CCDC22: variants seen among roughly 807,000 people sequenced by gnomAD.
CCDC22 encodes the protein coiled-coil domain-containing protein 22.
A neutral mutation model predicts 53.1 loss-of-function variants in CCDC22; 4 were observed. That is an observed-to-expected ratio of 0.08 (90% CI 0.04 to 0.17). The LOEUF (loss-of-function observed/expected upper bound fraction) is 0.17. Among genes scored for constraint, CCDC22 ranks in the 10% least tolerant of loss-of-function variants. The probability of loss-of-function intolerance (pLI) is 1.00; values close to 1 mark genes in which losing one functional copy is unlikely to be tolerated. For missense variants in CCDC22, 458 were observed against 554.0 expected (o/e 0.83, Z 1.74); for synonymous variants, 222 against 224.4 (o/e 0.99, Z 0.10).
At position 49,239,482 on chromosome X, in the gene CCDC22, C is replaced by T. The variant is rs186996806; in HGVS notation, c.228+2219C>T. ...ACATAGTGAATGGAAACACTTTGAA[C>T]TGACCCAGGAAGTATATGGTGGTGG... On this transcript the variant is annotated intron_variant, in intron 2 of 16. Coordinates refer to ENST00000376227, the MANE Select transcript of CCDC22 (RefSeq NM_014008.5). 1.6e-4 allele frequency: 115 copies of T among 735,615 alleles called. No individual in the cohort carries two copies. The African/African-American group carries it at 2.6e-3, about 16-fold the overall frequency. 60.6% of individuals were successfully genotyped at this position (735,615 alleles called of 1,213,427 possible).
rs781919963 is a variant in CCDC22 at position 49,247,015 on chromosome X, C to T, written c.909+90C>T. Reference sequence around the variant, plus strand: ...TGTCAGCACCACACCTTTATCCACACAGGTTCCTGTGTTCCCACTGGACAG... The same window carrying T: ...TGTCAGCACCACACCTTTATCCACATAGGTTCCTGTGTTCCCACTGGACAG... On this transcript the variant is annotated intron_variant, in intron 7 of 16. Coordinates refer to ENST00000376227, the MANE Select transcript of CCDC22 (RefSeq NM_014008.5). The T allele has an allele frequency of 1.2e-5, 10 of 808,118 alleles. No individual in the cohort carries two copies. In the East Asian group the frequency reaches 3.1e-4, roughly 25 times the overall value. The allele number at this position is 808,118 out of a possible 1,213,427, so 66.6% of individuals were successfully genotyped here. A position where few individuals can be genotyped will look rare whatever the true frequency, so the allele number is the denominator to read the frequency against.
chrX:49,246,857 G>A lies in CCDC22; in HGVS notation c.841G>A (p.Ala281Thr). ...GGGAGAACTGCTGCAGGCCTGGGGT[G>A]CTGGGGCCAAGACTGGTGCTCCTAA... is the stretch of plus-strand genomic sequence containing the variant. ...DLGELLQAWG[A>T]GAKTGAPKGS... The change falls in exon 7 of 17, where the codon GCT becomes ACT. Residue 281 changes from alanine (A) to threonine (T), a missense_variant. This residue lies in a region of CCDC22 where 309 missense variants were observed against 312.3 expected (regional missense o/e 0.99). Coordinates refer to ENST00000376227, the MANE Select transcript of CCDC22 (RefSeq NM_014008.5). 1.7e-6 allele frequency: 2 copies of A among 1,202,465 alleles called. No homozygotes were observed. The highest frequency in any genetic ancestry group is 1.8e-5 in the South Asian group (1 of 55,316).
chrX:49,244,999 C>G, intron 6 of CCDC22, among the ~76,000 whole-genome samples: 1 of 110,587 alleles, frequency 9.0e-6, no homozygotes, highest in Non-Finnish European at 1.9e-5. Context: ...CTGTCCACCT[C>G]TCTGTCACCC....
chrX:49,241,940 G>A (rs1224876046), intron 2 of CCDC22, 76 bp from the exon 3 acceptor site: 7 of 1,134,230 alleles, frequency 6.2e-6, no homozygotes, highest in African/African-American at 3.6e-5. Context: ...AAGTGGGAGC[G>A]TTTTCAGCCT....
intron 2 of CCDC22, among the ~76,000 whole-genome samples, chrX:49,239,075 T>C (rs781821025): frequency 9.0e-6 from 1 of 110,859 alleles, no homozygotes; most frequent in African/African-American, 3.3e-5. Flanking sequence ...GCCTCCTGGG[T>C]TCCAGCAATT....
At chrX:49,249,319 A>C in intron 14 of CCDC22, 57 bp downstream of exon 14, 1 of 1,006,771 alleles carries the variant, frequency 9.9e-7, no homozygotes. Flanking sequence ...TGCCTTGTGC[A>C]TCTGCTAATT....
chrX:49,247,844 CAA>C (rs782341353), intron 9 of CCDC22, 76 bp downstream of exon 9: 1 of 1,122,548 alleles, frequency 8.9e-7, no homozygotes, highest in African/African-American at 1.8e-5. Context: ...CTAGATGGGG[CAA>C]GAGGTGCTCT....
At chrX:49,244,154 A>T (rs1057348727) in intron 6 of CCDC22, among the ~76,000 whole-genome samples, 5 of 111,527 alleles carry the variant, frequency 4.5e-5, no homozygotes, top group Non-Finnish European at 1.9e-5. Context: ...GTTTTTGCAC[A>T]ATTTCTGCCT....
rs782786357 is a variant in CCDC22, at chrX:49,242,881, C to G, written c.362-5C>G. 5 of 1,106,523 alleles carry G rather than the reference C, an allele frequency of 4.5e-6. No homozygotes were observed. Among genetic ancestry groups the G allele is most frequent in the Non-Finnish European group, 1.2e-6 (1 of 833,038 alleles). The allele number at this position is 1,106,523 out of a possible 1,213,427, so 91.2% of individuals were successfully genotyped here. A position where few individuals can be genotyped will look rare whatever the true frequency, so the allele number is the denominator to read the frequency against. On this transcript the variant is annotated splice_polypyrimidine_tract_variant and splice_region_variant and intron_variant, in intron 3 of 16. Coordinates refer to ENST00000376227, the MANE Select transcript of CCDC22 (RefSeq NM_014008.5). ...TCTGATTCACTTCCTCCCTATCCCC[C>G]ATAGGTGACTCAGCTATTCTCCTCC...
Position 49,246,779 on chromosome X carries a change from C to A in CCDC22, c.763C>A (p.His255Asn). The A allele has an allele frequency of 8.4e-7, 1 of 1,185,294 alleles. No individual in the cohort carries two copies. The change falls in exon 7 of 17, where the codon CAT becomes AAT. Residue 255 changes from histidine to asparagine, a missense_variant. By Grantham distance (68) the His-to-Asn change is moderately conservative. This residue lies in a region of CCDC22 where 309 missense variants were observed against 312.3 expected (regional missense o/e 0.99). Transcript: ENST00000376227. ...GCGGCTGCAAAAGCAACTGACTGAG[C>A]ATCTGCGCCAAAGCTGGGGCCTGCT... ...RQRLQKQLTE[H>N]LRQSWGLLGA...
chrX:49,249,524 G>A lies in CCDC22; in HGVS notation c.1651G>A (p.Asp551Asn), dbSNP rs189346095. The change falls in exon 15 of 17, where the codon GAT becomes AAT. Residue 551 changes from aspartate to asparagine, a missense_variant. Around this residue, in one of 4 missense-constraint regions of CCDC22, gnomAD observed 48 missense variants for 83.4 expected, o/e 0.58. Coordinates refer to ENST00000376227, the MANE Select transcript of CCDC22 (RefSeq NM_014008.5). ...ELVFKDAKKD[D>N]AVRKAYKYLA... ...GTCTGGTCAGGATGCCAAGAAGGAC[G>A]ATGCTGTTCGGAAGGCCTATAAGTA... The A allele has an allele frequency of 1.4e-4, 170 of 1,196,105 alleles. No homozygotes were observed. The East Asian group carries it at 4.9e-3, about 35-fold the overall frequency.
chrX:49,239,202 A>G (rs782407574), intron 2 of CCDC22, among the ~76,000 whole-genome samples: 2 of 111,150 alleles, frequency 1.8e-5, no homozygotes, highest in Non-Finnish European at 3.8e-5. Context: ...GCTGGTCTCG[A>G]ACTCCTGACC....
At position 49,248,628 on chromosome X, in the gene CCDC22, G is replaced by T. The variant is rs1557114780; in HGVS notation, c.1330-5G>T. ...CACTGTCTTCTGCCTGTGGGCTCATGGCAGCTGGAATCTTCTCGACGGCTG... is the reference window on the plus strand; with the variant it reads ...CACTGTCTTCTGCCTGTGGGCTCATTGCAGCTGGAATCTTCTCGACGGCTG... On this transcript the variant is annotated splice_region_variant and splice_polypyrimidine_tract_variant and intron_variant, in intron 11 of 16. Transcript: ENST00000376227. 8.3e-7 allele frequency: 1 copy of T among 1,209,212 alleles called. No individual in the cohort carries two copies.
chrX:49,237,990 C>G (rs1236626039), intron 2 of CCDC22, among the ~76,000 whole-genome samples: 8 of 109,649 alleles, frequency 7.3e-5, no homozygotes, highest in Non-Finnish European at 1.3e-4. Context: ...AATCTCTTGA[C>G]CTCATGATCC....
Position 49,246,715 on chromosome X carries a change from CG to C in CCDC22, c.715-15del. 1 of 1,119,529 alleles carries C rather than the reference CG, an allele frequency of 8.9e-7. No homozygotes were observed. The highest frequency in any genetic ancestry group is 3.0e-5 in the Admixed American group (1 of 32,840). 92.3% of individuals were successfully genotyped at this position (1,119,529 alleles called of 1,213,427 possible). A position where few individuals can be genotyped will look rare whatever the true frequency, so the allele number is the denominator to read the frequency against. On this transcript the variant is annotated splice_polypyrimidine_tract_variant and intron_variant, in intron 6 of 16. Transcript: ENST00000376227. ...GGCCCCTACACCTTCCTGCTTCCCC[CG>C]CCTTTTCTCCCCAGGAGGACACACG...
chrX:49,236,952 C>T (rs1193953860), intron 1 of CCDC22, 134 bp from the exon 2 acceptor site: 2 of 438,383 alleles, frequency 4.6e-6, no homozygotes, highest in African/African-American at 4.9e-5. Flanking sequence ...CAGTCACCAA[C>T]ATCCAGGATC....
At chrX:49,240,584 T>C (rs953849822) in intron 2 of CCDC22, among the ~76,000 whole-genome samples, 2 of 111,734 alleles carry the variant, frequency 1.8e-5, no homozygotes, top group African/African-American at 6.5e-5. Flanking sequence ...TACATATGGT[T>C]GTCTGGCCCC....
rs2065997622 is a variant in CCDC22 at position 49,247,679 on chromosome X, G to A, written c.1003G>A (p.Glu335Lys). ...VTWAAQEQEL[E>K]SLREQLEGVN... ...GTGGGCAGCTCAGGAACAGGAGCTC[G>A]AGTCCCTTCGGGAGCAGCTGGAAGG... Residue 335 changes from glutamate (E) to lysine (K), a missense_variant, in exon 9 of 17, where the codon GAG becomes AAG. Transcript: ENST00000376227. The A allele has an allele frequency of 2.5e-6, 3 of 1,200,172 alleles. No individual in the cohort carries two copies. Among genetic ancestry groups the A allele is most frequent in the East Asian group, 3.0e-5 (1 of 33,436 alleles).
At chrX:49,248,127 G>A in intron 9 of CCDC22, 64 bp from the exon 10 acceptor site, 1 of 1,196,945 alleles carries the variant, frequency 8.4e-7, no homozygotes, top group South Asian at 1.8e-5. Context: ...GGGCCACAGG[G>A]GTGTACAGTC....
Sources: allele counts gnomAD v4.1 joint callset (sites outside exome capture counted in the v4.1 genomes callset), GRCh38; gene constraint gnomAD v4.1.1; regional missense constraint gnomAD v4.1.1; transcripts MANE v1.5; gene names NCBI Gene and HGNC (gene_info 2026-07-23, HGNC 2026-07-21).